GRIK1: variants seen among roughly 807,000 people sequenced by gnomAD.
GRIK1 encodes the protein glutamate ionotropic receptor kainate type subunit 1.
GRIK1 carries 69 observed loss-of-function variants against 105.7 expected under a neutral mutation model. The ratio of observed to expected loss-of-function variants is 0.65; its 90% confidence interval spans 0.54 to 0.80. GRIK1 has a LOEUF of 0.80. GRIK1 is among the 30% of genes least tolerant of loss of function. GRIK1 has a pLI of 0.00. For synonymous variants in GRIK1, 438 were observed against 431.3 expected (o/e 1.02, Z -0.19); for missense variants, 1,109 against 1,167.3 (o/e 0.95, Z 0.73).
chr21:29,568,611 G>T (rs1001766690), intron 14 of GRIK1, among the ~76,000 whole-genome samples: 1 of 152,148 alleles, frequency 6.6e-6, no homozygotes, highest in Non-Finnish European at 1.5e-5. Flanking sequence ...TAATCCTCTG[G>T]CTTGAGTCTG....
chr21:29,617,919 C>T (rs1183811615), intron 7 of GRIK1, among the ~76,000 whole-genome samples: 2 of 152,160 alleles, frequency 1.3e-5, no homozygotes, highest in African/African-American at 4.8e-5. Context: ...GCTCCATGCT[C>T]ATTTGCATTT....
At chr21:29,598,184 C>A (rs1347476910) in intron 8 of GRIK1, among the ~76,000 whole-genome samples, 1 of 152,118 alleles carries the variant, frequency 6.6e-6, no homozygotes, top group Non-Finnish European at 1.5e-5. Flanking sequence ...ATTCTTTTAT[C>A]ATTATTATTT....
chr21:29,788,775 T>C (rs1199229705), intron 1 of GRIK1, among the ~76,000 whole-genome samples: 4 of 152,318 alleles, frequency 2.6e-5, no homozygotes, highest in South Asian at 4.1e-4. Context: ...CATCAGGCAG[T>C]AGATTCTTAC....
rs551749009 is a variant in GRIK1 at position 29,701,000 on chromosome 21, C to T, written c.119-6937G>A. On this transcript the variant is annotated intron_variant, in intron 1 of 17. Transcript: ENST00000327783. ...CCTTGTAATGGTAAATATATTCCAA[C>T]GATAACCATTTCAGAAATGCAATAG... Among the ~76,000 whole-genome samples the T allele has an allele frequency of 1.1e-4, 17 of 152,274 alleles. No individual in the cohort carries two copies. In the East Asian group the frequency reaches 1.9e-3, roughly 17 times the overall value.
chr21:29,550,493 C>T (rs1283272767), intron 16 of GRIK1, among the ~76,000 whole-genome samples: 1 of 152,210 alleles, frequency 6.6e-6, no homozygotes, highest in Non-Finnish European at 1.5e-5. Context: ...ACATTAAAAT[C>T]AACTGGGCAT....
At chr21:29,802,889 T>C (rs1390340635) in intron 1 of GRIK1, among the ~76,000 whole-genome samples, 1 of 152,194 alleles carries the variant, frequency 6.6e-6, no homozygotes, top group East Asian at 1.9e-4. Flanking sequence ...ATACGTTGCA[T>C]GTTCCTTGAG....
At chr21:29,810,746 A>G (rs2066988060) in intron 1 of GRIK1, among the ~76,000 whole-genome samples, 1 of 152,188 alleles carries the variant, frequency 6.6e-6, no homozygotes, top group Non-Finnish European at 1.5e-5. Flanking sequence ...ACAGAGAAGT[A>G]GCAATAGCTG....
intron 15 of GRIK1, among the ~76,000 whole-genome samples, chr21:29,560,973 C>T (rs2090466449): frequency 1.3e-5 from 2 of 152,090 alleles, no homozygotes; most frequent in Admixed American, 6.6e-5. Context: ...CTAATTACCC[C>T]TTAAATTCTA....
At chr21:29,690,192 T>C (rs1215047425) in intron 2 of GRIK1, among the ~76,000 whole-genome samples, 1 of 152,228 alleles carries the variant, frequency 6.6e-6, no homozygotes, top group Non-Finnish European at 1.5e-5. Context: ...TACTGATAGA[T>C]GTAAACTTAG....
At chr21:29,560,205 G>T (rs1260970234) in intron 15 of GRIK1, among the ~76,000 whole-genome samples, 1 of 152,126 alleles carries the variant, frequency 6.6e-6, no homozygotes, top group East Asian at 1.9e-4. Context: ...CCTTTGGAAT[G>T]CTTACTAACA....
At chr21:29,653,922 A>C (rs1454766718) in intron 5 of GRIK1, among the ~76,000 whole-genome samples, 1 of 152,180 alleles carries the variant, frequency 6.6e-6, no homozygotes, top group Admixed American at 6.5e-5. Flanking sequence ...TCTCAAAGAC[A>C]TTTGAGTCAG....
chr21:29,667,462 TG>T (rs1053904907), intron 4 of GRIK1, among the ~76,000 whole-genome samples: 12 of 152,080 alleles, frequency 7.9e-5, no homozygotes, highest in East Asian at 1.9e-4. Flanking sequence ...AAAAGTGGGT[TG>T]GGGGTGGAGA....
intron 1 of GRIK1, among the ~76,000 whole-genome samples, chr21:29,721,004 C>T (rs924654655): frequency 2.0e-5 from 3 of 151,642 alleles, no homozygotes; most frequent in African/African-American, 7.3e-5. Flanking sequence ...CCCAGACAGA[C>T]TTTGTCTCAG....
rs946575499 is a variant in GRIK1, at chr21:29,624,115, T to C, written c.1098+18711A>G. Among the ~76,000 whole-genome samples the C allele has an allele frequency of 3.3e-5, 5 of 152,346 alleles. No individual in the cohort carries two copies. In the South Asian group the frequency reaches 1.0e-3, roughly 32 times the overall value. On this transcript the variant is annotated intron_variant, in intron 7 of 17. Coordinates refer to ENST00000327783, the MANE Select transcript of GRIK1 (RefSeq NM_001330994.2). ...TTTGTCACACTTAAGATCTTCATTA[T>C]TCCTTTAAAATTAAATCCCTTGCAA...
intron 7 of GRIK1, among the ~76,000 whole-genome samples, chr21:29,606,483 G>A (rs2061619422): frequency 6.6e-6 from 1 of 151,934 alleles, no homozygotes; most frequent in Non-Finnish European, 1.5e-5. Context: ...TTTACAGCAA[G>A]CTTTATCATC....
rs141549860 is a variant in GRIK1, at chr21:29,748,544, G to T, written c.119-54481C>A. On this transcript the variant is annotated intron_variant, in intron 1 of 17. Coordinates refer to ENST00000327783, the MANE Select transcript of GRIK1 (RefSeq NM_001330994.2). ...GAGACATGACAATTTGGGCAACTTTGTGCAATGTTTTACATTTAATGATTT... is the reference window on the plus strand; with the variant it reads ...GAGACATGACAATTTGGGCAACTTTTTGCAATGTTTTACATTTAATGATTT... Among the ~76,000 whole-genome samples, 415 of 152,320 alleles carry T rather than the reference G, an allele frequency of 2.7e-3. 1 individual carries two copies. The highest frequency in any genetic ancestry group is 9.2e-3 in the African/African-American group (384 of 41,568).
At chr21:29,900,565 G>A (rs1284781607) in intron 1 of GRIK1, among the ~76,000 whole-genome samples, 5 of 151,096 alleles carry the variant, frequency 3.3e-5, no homozygotes, top group African/African-American at 9.8e-5. Flanking sequence ...TAATGGTAAA[G>A]GGATCTATTC....
At position 29,939,736 on chromosome 21, in the gene GRIK1, C is replaced by T. The variant is rs1194496143; in HGVS notation, c.-236G>A. The T allele has an allele frequency of 5.0e-6, 2 of 396,116 alleles. No homozygotes were observed. The highest frequency in any genetic ancestry group is 4.5e-6 in the Non-Finnish European group (1 of 223,704). The allele number at this position is 396,116 out of a possible 1,614,324, so 24.5% of individuals were successfully genotyped here. A position where few individuals can be genotyped will look rare whatever the true frequency, so the allele number is the denominator to read the frequency against. ...TCGCTAGCCCATCACGGCTCCTCCT[C>T]CTCCTCTTCCATGGGCCGCAGACCG... On this transcript the variant is annotated 5_prime_UTR_variant, in exon 1 of 18. Transcript: ENST00000327783.
intron 1 of GRIK1, among the ~76,000 whole-genome samples, chr21:29,832,889 T>C (rs958945919): frequency 6.6e-6 from 1 of 152,212 alleles, no homozygotes; most frequent in South Asian, 2.1e-4. Flanking sequence ...CTACAAATTT[T>C]CCACTTTTAT....
Sources: gnomAD v4.1 joint callset for allele counts (sites outside exome capture counted in the v4.1 genomes callset) on GRCh38, gnomAD v4.1.1 for gene constraint, MANE v1.5 for transcripts, NCBI Gene and HGNC (gene_info 2026-07-23, HGNC 2026-07-21) for gene names.